Variants in OSBPL9 observed in about 807,000 individuals in gnomAD.
The protein encoded by OSBPL9 is oxysterol binding protein like 9, also known as oxysterol-binding protein-related protein 9.
A neutral mutation model predicts 106.6 loss-of-function variants in OSBPL9; 40 were observed. That is an observed-to-expected ratio of 0.38 (90% CI 0.29 to 0.49). OSBPL9 has a LOEUF of 0.49. OSBPL9 is among the 20% of genes least tolerant of loss of function. OSBPL9 has a pLI of 0.97. For synonymous variants in OSBPL9, 269 were observed against 295.4 expected (o/e 0.91, Z 0.92); for missense variants, 609 against 887.2 (o/e 0.69, Z 3.98).
At chr1:51,671,657 G>C (rs1290214435) in intron 3 of OSBPL9, among the ~76,000 whole-genome samples, 1 of 152,168 alleles carries the variant, frequency 6.6e-6, no homozygotes, top group African/African-American at 2.4e-5. Flanking sequence ...ATAAGTAAAT[G>C]AGAGTGATAA....
In OSBPL9 at chr1:51,700,196, T is replaced by C. The variant is rs146593232; in HGVS notation, c.242-13807T>C. Among the ~76,000 whole-genome samples, 358 of 152,360 alleles carry C rather than the reference T, an allele frequency of 2.3e-3. 1 individual carries two copies. Among genetic ancestry groups the C allele is most frequent in the African/African-American group, 8.2e-3 (343 of 41,576 alleles). ...AATGTGGACACCTTCCTTCTTTTTC[T>C]TGGGTTCTGACTCCTCATATTGGAC... On this transcript the variant is annotated intron_variant, in intron 3 of 23. Coordinates refer to ENST00000428468, the MANE Select transcript of OSBPL9 (RefSeq NM_024586.6).
At chr1:51,770,878 A>G (rs981354671) in intron 12 of OSBPL9, among the ~76,000 whole-genome samples, 3 of 152,214 alleles carry the variant, frequency 2.0e-5, no homozygotes, top group Admixed American at 6.5e-5. Context: ...GTATGATACA[A>G]TGGTGGATAC....
intron 2 of OSBPL9, among the ~76,000 whole-genome samples, chr1:51,662,894 A>G (rs539010702): frequency 1.2e-4 from 18 of 151,942 alleles, no homozygotes; most frequent in African/African-American, 2.7e-4. Flanking sequence ...ACAGGCGCCC[A>G]CCACCAGGCC....
At chr1:51,663,748 C>T (rs1048163897) in intron 2 of OSBPL9, among the ~76,000 whole-genome samples, 9 of 152,118 alleles carry the variant, frequency 5.9e-5, no homozygotes, top group African/African-American at 1.9e-4. Context: ...TAATTTATAA[C>T]CATTGAAGGG....
the OSBPL9 span, among the ~76,000 whole-genome samples, chr1:51,558,429 T>C: frequency 6.6e-6 from 1 of 152,148 alleles, no homozygotes; most frequent in Non-Finnish European, 1.5e-5. Context: ...AATTCTCCTA[T>C]AGATAACATC....
Position 51,760,792 on chromosome 1 carries a change from A to G in OSBPL9, c.673+12A>G, listed in dbSNP as rs1428349434. The G allele has an allele frequency of 3.1e-6, 5 of 1,613,204 alleles. No homozygotes were observed. The highest frequency in any genetic ancestry group is 2.7e-5 in the African/African-American group (2 of 74,912). ...TGTGTTACCTCCAGGTAATTTGGGA[A>G]AATGTTTCTTAGATTCATTGATGAG... On this transcript the variant is annotated intron_variant, in intron 10 of 23. Coordinates refer to ENST00000428468, the MANE Select transcript of OSBPL9 (RefSeq NM_024586.6).
intron 2 of OSBPL9, among the ~76,000 whole-genome samples, chr1:51,604,768 C>T (rs1643930281): frequency 6.6e-6 from 1 of 151,966 alleles, no homozygotes. Flanking sequence ...ATTCTCCTGC[C>T]TCAGCCTCCC....
intron 2 of OSBPL9, among the ~76,000 whole-genome samples, chr1:51,663,688 T>C (rs896827565): frequency 2.0e-5 from 3 of 152,118 alleles, no homozygotes; most frequent in Admixed American, 6.5e-5. Flanking sequence ...TCAAAAGATA[T>C]CATTATGTGA....
chr1:51,728,678 C>T (rs1663590112), intron 4 of OSBPL9, among the ~76,000 whole-genome samples: 1 of 152,110 alleles, frequency 6.6e-6, no homozygotes, highest in Non-Finnish European at 1.5e-5. Context: ...AGCAGGTTAG[C>T]ATATTTATTC....
At chr1:51,616,922 G>C (rs72896012), upstream of OSBPL9, 158,656 of 1,014,266 alleles carry the variant, frequency 0.16, 14,555 homozygotes, top group African/African-American at 0.32. Context: ...TCTCGCATCC[G>C]TGGCATGGAG....
At chr1:51,574,272 C>T (rs1448689793), upstream of OSBPL9, among the ~76,000 whole-genome samples, 2 of 152,186 alleles carry the variant, frequency 1.3e-5, no homozygotes, top group African/African-American at 4.8e-5. Context: ...TCCTACTTCA[C>T]CCTCCTCCAT....
At chr1:51,533,734 G>A in the OSBPL9 span, among the ~76,000 whole-genome samples, 1 of 152,012 alleles carries the variant, frequency 6.6e-6, no homozygotes, top group East Asian at 1.9e-4. Context: ...TGCAGGGTGG[G>A]AGCTATGGCA....
intron 1 of OSBPL9, among the ~76,000 whole-genome samples, chr1:51,649,102 T>A (rs1431546673): frequency 6.6e-6 from 1 of 152,150 alleles, no homozygotes; most frequent in East Asian, 1.9e-4. Flanking sequence ...AGCCTCATTT[T>A]AAAAAATGTT....
chr1:51,576,222 T>C (rs1645182941), upstream of OSBPL9, among the ~76,000 whole-genome samples: 1 of 152,242 alleles, frequency 6.6e-6, no homozygotes, highest in Admixed American at 6.5e-5. Flanking sequence ...TCTCCCCGTC[T>C]CTTTCAAGGT....
chr1:51,725,876 A>G (rs1663027798), intron 4 of OSBPL9, among the ~76,000 whole-genome samples: 1 of 152,012 alleles, frequency 6.6e-6, no homozygotes, highest in Non-Finnish European at 1.5e-5. Context: ...GTCTGCACTG[A>G]GCTTCCACCA....
intron 21 of OSBPL9, 94 bp downstream of exon 21, chr1:51,785,980 G>A: frequency 1.9e-6 from 2 of 1,055,698 alleles, no homozygotes; most frequent in Non-Finnish European, 2.9e-6. Context: ...CCTTCATAAT[G>A]CATTTCCTTC....
At chr1:51,629,436 G>A (rs1272564847) in intron 1 of OSBPL9, among the ~76,000 whole-genome samples, 1 of 152,122 alleles carries the variant, frequency 6.6e-6, no homozygotes, top group Non-Finnish European at 1.5e-5. Flanking sequence ...TATCTTCTGA[G>A]AAATTTGTTA....
chr1:51,727,726 G>A (rs1307573270), intron 4 of OSBPL9, among the ~76,000 whole-genome samples: 1 of 152,098 alleles, frequency 6.6e-6, no homozygotes, highest in Non-Finnish European at 1.5e-5. Flanking sequence ...AATAACTCAG[G>A]TAAGGTGGTG....
At chr1:51,630,553 C>A (rs1280842100) in intron 1 of OSBPL9, among the ~76,000 whole-genome samples, 2 of 152,094 alleles carry the variant, frequency 1.3e-5, no homozygotes, top group East Asian at 3.8e-4. Context: ...AGGGCACTTA[C>A]CATGAATGAA....
Sources: allele counts gnomAD v4.1 joint callset (sites outside exome capture counted in the v4.1 genomes callset), GRCh38; gene constraint gnomAD v4.1.1; transcripts MANE v1.5; gene names NCBI Gene and HGNC (gene_info 2026-07-23, HGNC 2026-07-21).